Variants in RBFOX1 observed in about 807,000 individuals in gnomAD.
RBFOX1 encodes the protein RNA binding fox-1 homolog 1, also known as RNA binding protein fox-1 homolog 1.
In RBFOX1, 8 loss-of-function variants were observed where a neutral mutation model predicts 57.7. That is an observed-to-expected ratio of 0.14 (90% CI 0.08 to 0.25). The LOEUF is 0.25. RBFOX1 is among the 10% of genes least tolerant of loss of function. The pLI is 1.00. For synonymous variants in RBFOX1, 326 were observed against 222.4 expected, an observed-to-expected ratio of 1.47 and a Z score of -4.15; for missense variants, 611 against 548.5, an observed-to-expected ratio of 1.11 and a Z score of -1.14.
At chr16:6,076,811 G>T (rs1355779835) in intron 1 of RBFOX1, among the ~76,000 whole-genome samples, 2 of 152,202 alleles carry the variant, frequency 1.3e-5, no homozygotes. Context: ...TCTTGGTAAA[G>T]GTACAAAAAG....
At chr16:5,315,351 C>T (rs892820667) in intron 1 of RBFOX1, among the ~76,000 whole-genome samples, 2 of 152,166 alleles carry the variant, frequency 1.3e-5, no homozygotes, top group East Asian at 1.9e-4. Flanking sequence ...ACGTAATCAC[C>T]GGTGATTAAA....
chr16:6,286,925 C>G (rs560672362), intron 1 of RBFOX1, among the ~76,000 whole-genome samples: 1 of 152,218 alleles, frequency 6.6e-6, no homozygotes, highest in South Asian at 2.1e-4. Context: ...ATTTGCTCAG[C>G]AACTATATAG....
intron 2 of RBFOX1, among the ~76,000 whole-genome samples, chr16:5,507,192 C>G (rs561756362): frequency 6.6e-6 from 1 of 152,108 alleles, no homozygotes; most frequent in African/African-American, 2.4e-5. Context: ...AGAATGATGC[C>G]TGGCACCGAA....
At chr16:6,783,424 A>T (rs1209505053) in intron 3 of RBFOX1, among the ~76,000 whole-genome samples, 1 of 135,200 alleles carries the variant, frequency 7.4e-6, no homozygotes, top group Non-Finnish European at 1.6e-5. Context: ...TTTGCTTTGT[A>T]GTTACCATGA....
intron 3 of RBFOX1, among the ~76,000 whole-genome samples, chr16:6,931,992 C>G (rs1027678594): frequency 6.6e-6 from 1 of 152,182 alleles, no homozygotes; most frequent in African/African-American, 2.4e-5. Flanking sequence ...AACTAACCCA[C>G]TCCAGTGAAA....
intron 3 of RBFOX1, among the ~76,000 whole-genome samples, chr16:5,764,135 C>T (rs1381386629): frequency 1.3e-5 from 2 of 152,046 alleles, no homozygotes; most frequent in East Asian, 3.9e-4. Context: ...CAGGAAGATG[C>T]TGTGGGGCAG....
chr16:6,451,476 G>A (rs548919614), intron 2 of RBFOX1, among the ~76,000 whole-genome samples: 38 of 152,056 alleles, frequency 2.5e-4, no homozygotes, highest in Middle Eastern at 3.2e-3. Context: ...AGACTCACTC[G>A]GGCCAAAATC....
intron 4 of RBFOX1, among the ~76,000 whole-genome samples, chr16:7,446,542 C>T (rs998598711): frequency 6.6e-6 from 1 of 152,142 alleles, no homozygotes; most frequent in African/African-American, 2.4e-5. Flanking sequence ...ATGTTAATTG[C>T]ATTTCTACCA....
At chr16:7,253,457 G>C (rs2094563903) in intron 4 of RBFOX1, among the ~76,000 whole-genome samples, 1 of 152,048 alleles carries the variant, frequency 6.6e-6, no homozygotes, top group Non-Finnish European at 1.5e-5. Context: ...AGTTCCCAAC[G>C]AGACTTCAGG....
At chr16:7,546,765 G>T (rs964049450) in intron 5 of RBFOX1, among the ~76,000 whole-genome samples, 1 of 152,052 alleles carries the variant, frequency 6.6e-6, no homozygotes, top group Non-Finnish European at 1.5e-5. Flanking sequence ...ATTTGGATTG[G>T]ACATAGTTTA....
At chr16:7,040,096 C>T (rs2045699011) in intron 3 of RBFOX1, among the ~76,000 whole-genome samples, 5 of 152,010 alleles carry the variant, frequency 3.3e-5, no homozygotes, top group Admixed American at 3.3e-4. Flanking sequence ...TCTCAGCTCA[C>T]TGCAACCTCT....
At chr16:6,570,676 A>G (rs2097332989) in intron 2 of RBFOX1, among the ~76,000 whole-genome samples, 1 of 152,234 alleles carries the variant, frequency 6.6e-6, no homozygotes, top group South Asian at 2.1e-4. Context: ...TATCAGTCAT[A>G]TGTAGATGAT....
intron 4 of RBFOX1, among the ~76,000 whole-genome samples, chr16:7,247,674 C>T (rs1603444554): frequency 6.6e-6 from 1 of 152,334 alleles, no homozygotes; most frequent in South Asian, 2.1e-4. Flanking sequence ...GTCATTTACA[C>T]ATCTCTTAAT....
At chr16:7,511,406 C>G (rs1235681721) in intron 4 of RBFOX1, among the ~76,000 whole-genome samples, 1 of 152,168 alleles carries the variant, frequency 6.6e-6, no homozygotes, top group Admixed American at 6.5e-5. Flanking sequence ...TTCTCTCTGA[C>G]TCTGTCTCCT....
At chr16:7,360,821 C>G (rs191079293) in intron 4 of RBFOX1, among the ~76,000 whole-genome samples, 1 of 152,208 alleles carries the variant, frequency 6.6e-6, no homozygotes, top group Non-Finnish European at 1.5e-5. Flanking sequence ...ATTAATTAGG[C>G]TTGTACATTC....
chr16:5,278,586 G>C (rs750084858), intron 1 of RBFOX1, among the ~76,000 whole-genome samples: 6 of 152,142 alleles, frequency 3.9e-5, no homozygotes, highest in Non-Finnish European at 8.8e-5. Context: ...TGTTTTCTTT[G>C]ATATGCAGAA....
intron 2 of RBFOX1, among the ~76,000 whole-genome samples, chr16:6,494,464 A>G (rs1567432673): frequency 6.6e-6 from 1 of 152,230 alleles, no homozygotes; most frequent in East Asian, 1.9e-4. Flanking sequence ...AAGTGAGATC[A>G]CAGAGTGCTT....
rs563020740 is a variant in RBFOX1 at position 7,098,328 on chromosome 16, C to A, written c.27+46230C>A. ...GAGATTACAGGTGTGCATCGCCATGCCTGGCTAATTTTTATATTTTTAGTG... is the reference window on the plus strand; with the variant it reads ...GAGATTACAGGTGTGCATCGCCATGACTGGCTAATTTTTATATTTTTAGTG... On this transcript the variant is annotated intron_variant, in intron 4 of 15. Coordinates refer to ENST00000550418, the MANE Select transcript of RBFOX1 (RefSeq NM_018723.4). 2.5e-3 allele frequency among the ~76,000 whole-genome samples: 381 copies of A among 152,270 alleles called. 3 individuals are homozygous for A. Among genetic ancestry groups the A allele is most frequent in the African/African-American group, 8.9e-3 (368 of 41,554 alleles).
chr16:6,300,791 C>T (rs967061512), intron 1 of RBFOX1, among the ~76,000 whole-genome samples: 8 of 152,306 alleles, frequency 5.3e-5, no homozygotes, highest in Middle Eastern at 3.4e-3. Context: ...TTTACTCCAC[C>T]ACCACCTCCC....
Sources: allele counts gnomAD v4.1 joint callset (sites outside exome capture counted in the v4.1 genomes callset), GRCh38; gene constraint gnomAD v4.1.1; transcripts MANE v1.5; gene names NCBI Gene and HGNC (gene_info 2026-07-23, HGNC 2026-07-21).